The following ZNF510 variants were observed in gnomAD, a reference collection of about 807,000 sequenced individuals.
ZNF510 encodes the protein zinc finger protein 510.
A neutral mutation model predicts 18.1 loss-of-function variants in ZNF510; 15 were observed. That is an observed-to-expected ratio of 0.83 (90% confidence interval 0.55 to 1.28). The LOEUF (loss-of-function observed/expected upper bound fraction) is 1.28, where lower values mean the gene tolerates loss of function less well. Among genes scored for constraint, ZNF510 ranks in the 50% most tolerant of loss-of-function variants. The probability of loss-of-function intolerance (pLI) is 0.00; values close to 1 mark genes in which losing one functional copy is unlikely to be tolerated. For synonymous variants in ZNF510, 261 were observed against 266.4 expected (o/e 0.98, Z 0.20); for missense variants, 724 against 791.8 (o/e 0.91, Z 1.03).
At position 96,776,927 on chromosome 9, in the gene ZNF510, A is replaced by G. The variant is rs191111591; in HGVS notation, c.-176-682T>C. ...CTGCTATCCATGACTACAGCCTCCAATCACATCAACTACTGAGCACTGGAA... is the reference window on the plus strand; with the variant it reads ...CTGCTATCCATGACTACAGCCTCCAGTCACATCAACTACTGAGCACTGGAA... On this transcript the variant is annotated intron_variant, in intron 1 of 5. Transcript: ENST00000223428. 4.5e-4 allele frequency among the ~76,000 whole-genome samples: 68 copies of G among 152,334 alleles called. 1 individual carries two copies. Among genetic ancestry groups the G allele is most frequent in the Non-Finnish European group, 8.1e-4 (55 of 68,022 alleles).
At chr9:96,770,135 A>G (rs1849555442) in intron 3 of ZNF510, among the ~76,000 whole-genome samples, 2 of 152,244 alleles carry the variant, frequency 1.3e-5, no homozygotes, top group South Asian at 2.1e-4. Flanking sequence ...AGCACTAGTC[A>G]TAACAGTCAA....
At chr9:96,773,748 A>C (rs1172813235) in intron 3 of ZNF510, among the ~76,000 whole-genome samples, 5 of 151,870 alleles carry the variant, frequency 3.3e-5, no homozygotes, top group African/African-American at 4.8e-5. Flanking sequence ...GCTAATTTTT[A>C]TATTTTTAGT....
At position 96,759,265 on chromosome 9, in the gene ZNF510, C is replaced by A; in HGVS notation, c.1565G>T (p.Gly522Val). ...GEKSFQCNQC[G>V]KTFGQKSNLR... Reference sequence around the variant, plus strand: ...GTTTGACTTCTGGCCAAATGTTTTTCCACATTGATTGCATTGAAAGGATTT... The same window carrying A: ...GTTTGACTTCTGGCCAAATGTTTTTACACATTGATTGCATTGAAAGGATTT... The change falls in exon 6 of 6, where the codon GGA becomes GTA. Residue 522 changes from glycine (G) to valine (V), a missense_variant. Transcript: ENST00000223428. The A allele has an allele frequency of 2.5e-6, 4 of 1,613,956 alleles. No individual in the cohort carries two copies. The highest frequency in any genetic ancestry group is 3.4e-6 in the Non-Finnish European group (4 of 1,179,994).
Position 96,760,035 on chromosome 9 carries a change from A to T in ZNF510, c.795T>A (p.Asp265Glu). 3 of 1,611,980 alleles carry T rather than the reference A, an allele frequency of 1.9e-6. No individual in the cohort carries two copies. The highest frequency in any genetic ancestry group is 2.5e-6 in the Non-Finnish European group (3 of 1,179,112). ...ECNKIGKAFN[D>E]KANCVKHNSS... ...TGTTATGTTTAACACAGTTAGCCTT[A>T]TCATTAAAGGCTTTTCCAATTTTAT... The change falls in exon 6 of 6, where the codon GAT becomes GAA. Residue 265 changes from aspartate to glutamate, a missense_variant. Asp to Glu is a conservative substitution (Grantham distance 45). Transcript: ENST00000223428.
chr9:96,758,687 T>C lies in ZNF510; in HGVS notation c.*91A>G, dbSNP rs1849251293. 1.5e-6 allele frequency: 2 copies of C among 1,326,924 alleles called. No individual in the cohort carries two copies. Among genetic ancestry groups the C allele is most frequent in the Admixed American group, 2.5e-5 (1 of 40,798 alleles). The allele number at this position is 1,326,924 out of a possible 1,614,324, so 82.2% of individuals were successfully genotyped here. ...TGAGGGTTTACTTCTGGGACTGTCTTCTTACATTCACTACCCTCAATTGGT... is the reference window on the plus strand; with the variant it reads ...TGAGGGTTTACTTCTGGGACTGTCTCCTTACATTCACTACCCTCAATTGGT... On this transcript the variant is annotated 3_prime_UTR_variant, in exon 6 of 6. Coordinates refer to ENST00000223428, the MANE Select transcript of ZNF510 (RefSeq NM_014930.3).
At chr9:96,762,870 C>CTAAG (rs1849384983) in intron 5 of ZNF510, 3 of 280,172 alleles carry the variant, frequency 1.1e-5, no homozygotes, top group Non-Finnish European at 2.0e-5. Context: ...CATATCCTTT[C>CTAAG]TAAGTTATTT....
chr9:96,768,894 G>GA (rs915160328), intron 3 of ZNF510, among the ~76,000 whole-genome samples: 7 of 151,340 alleles, frequency 4.6e-5, no homozygotes, highest in African/African-American at 1.5e-4. Flanking sequence ...AGAAAAAAAA[G>GA]AAAAAAAATT....
intron 5 of ZNF510, 54 bp from the exon 6 acceptor site, chr9:96,760,531 A>G: frequency 6.8e-7 from 1 of 1,477,368 alleles, no homozygotes; most frequent in Non-Finnish European, 9.0e-7. Context: ...CTGTGGGTAG[A>G]GCTTTATCAA....
At chr9:96,769,899 T>A (rs868741852) in intron 3 of ZNF510, among the ~76,000 whole-genome samples, 2 of 152,022 alleles carry the variant, frequency 1.3e-5, no homozygotes, top group Non-Finnish European at 1.5e-5. Context: ...TCCATAATTT[T>A]AAAAAAAGGG....
chr9:96,762,033 T>C (rs1849357442), intron 5 of ZNF510, among the ~76,000 whole-genome samples: 1 of 151,946 alleles, frequency 6.6e-6, no homozygotes, highest in Non-Finnish European at 1.5e-5. Flanking sequence ...ATAAAAATGA[T>C]ACAATGGACT....
intron 5 of ZNF510, 67 bp downstream of exon 5, chr9:96,763,051 A>G (rs769819560): frequency 2.1e-5 from 27 of 1,313,132 alleles, no homozygotes; most frequent in Middle Eastern, 1.8e-4. Context: ...TTAGGTGTTC[A>G]CCCCTAAAGT....
chr9:96,771,676 T>C (rs1849587123), intron 3 of ZNF510, among the ~76,000 whole-genome samples: 1 of 152,068 alleles, frequency 6.6e-6, no homozygotes, highest in Non-Finnish European at 1.5e-5. Context: ...GAAGTAAAAT[T>C]GTCTTTATTG....
chr9:96,776,171 C>T lies in ZNF510; in HGVS notation c.-102G>A, dbSNP rs900090157. 1.7e-5 allele frequency: 25 copies of T among 1,501,984 alleles called. No individual in the cohort carries two copies. Among genetic ancestry groups the T allele is most frequent in the South Asian group, 2.7e-5 (2 of 75,034 alleles). 93.0% of individuals were successfully genotyped at this position (1,501,984 alleles called of 1,614,324 possible). A position where few individuals can be genotyped will look rare whatever the true frequency, so the allele number is the denominator to read the frequency against. On this transcript the variant is annotated 5_prime_UTR_variant, in exon 2 of 6. Transcript: ENST00000223428. The stretch of plus-strand genomic sequence containing the variant: ...GGGTTCTTCTGCATCTGTTTGGAAG[C>T]CCTGGTGAGGAGGTCTCTGTTCTGT...
chr9:96,771,512 T>G (rs979390416), intron 3 of ZNF510, among the ~76,000 whole-genome samples: 1 of 151,812 alleles, frequency 6.6e-6, no homozygotes, highest in Non-Finnish European at 1.5e-5. Flanking sequence ...AAAAAACATG[T>G]AGTTAAAATA....
chr9:96,762,041 A>ACTT (rs1448918752), intron 5 of ZNF510, among the ~76,000 whole-genome samples: 1 of 151,970 alleles, frequency 6.6e-6, no homozygotes, highest in African/African-American at 2.4e-5. Context: ...GATACAATGG[A>ACTT]CTTTGGAGAC....
At chr9:96,771,687 C>G (rs986319266) in intron 3 of ZNF510, among the ~76,000 whole-genome samples, 4 of 151,302 alleles carry the variant, frequency 2.6e-5, no homozygotes, top group African/African-American at 9.7e-5. Context: ...GTCTTTATTG[C>G]AAAAAAAATT....
chr9:96,767,032 CA>C, intron 3 of ZNF510, among the ~76,000 whole-genome samples: 1 of 152,144 alleles, frequency 6.6e-6, no homozygotes, highest in South Asian at 2.1e-4. Flanking sequence ...AAGGGAAAAT[CA>C]AAAGAGAAAT....
rs911867545 is a variant in ZNF510, at chr9:96,776,250, A to C, written c.-176-5T>G. The C allele has an allele frequency of 1.1e-5, 13 of 1,210,366 alleles. No individual in the cohort carries two copies. In the African/African-American group the frequency reaches 1.9e-4, roughly 18 times the overall value. 75.0% of individuals were successfully genotyped at this position (1,210,366 alleles called of 1,614,324 possible). On this transcript the variant is annotated splice_region_variant and splice_polypyrimidine_tract_variant and intron_variant, in intron 1 of 5. Coordinates refer to ENST00000223428, the MANE Select transcript of ZNF510 (RefSeq NM_014930.3). ...GTTCCTGGGGCTCCCTCCTTCCTGC[A>C]ACATAAAGAGCTGCTTTGCTCCAGA...
rs772964814 is a variant in ZNF510, at chr9:96,760,109, G to C, written c.721C>G (p.Leu241Val). 6.2e-7 allele frequency: 1 copy of C among 1,608,748 alleles called. No individual in the cohort carries two copies. ...NMKALNYNEN[L>V]PKHPKFQTLE... is the part of the protein sequence containing the mutation. Reference sequence around the variant, plus strand: ...GTTTGAAACTTTGGATGCTTGGGAAGATTTTCATTATAATTGAGAGCTTTC... The same window carrying C: ...GTTTGAAACTTTGGATGCTTGGGAACATTTTCATTATAATTGAGAGCTTTC... Residue 241 changes from leucine (L) to valine (V), a missense_variant, in exon 6 of 6, where the codon CTT (leucine) becomes GTT (valine). Coordinates refer to ENST00000223428, the MANE Select transcript of ZNF510 (RefSeq NM_014930.3).
Sources: allele counts gnomAD v4.1 joint callset (sites outside exome capture counted in the v4.1 genomes callset), GRCh38; gene constraint gnomAD v4.1.1; transcripts MANE v1.5; gene names NCBI Gene and HGNC (gene_info 2026-07-23, HGNC 2026-07-21).